RTL4: variants seen among roughly 807,000 people sequenced by gnomAD.
RTL4 encodes the protein retrotransposon Gag like 4.
In RTL4, 4 loss-of-function variants were observed where a neutral mutation model predicts 5.3. That is an observed-to-expected ratio of 0.75 (90% CI 0.37 to 1.72). RTL4 has a LOEUF of 1.72. Ranked by LOEUF, RTL4 falls within the 40% of genes most tolerant of loss-of-function variation. The pLI, the probability that RTL4 is intolerant of heterozygous loss-of-function variation, is 0.04. For missense variants in RTL4, 260 were observed against 227.1 expected, an observed-to-expected ratio of 1.14 and a Z score of -0.93; for synonymous variants, 98 against 87.3, an observed-to-expected ratio of 1.12 and a Z score of -0.68.
At chrX:112,251,932 G>A in the RTL4 span, among the ~76,000 whole-genome samples, 1 of 111,816 alleles carries the variant, frequency 8.9e-6, no homozygotes, top group East Asian at 2.8e-4. Context: ...ATAACAATGT[G>A]TCTTTGAACC....
At chrX:112,156,594 T>C in the RTL4 span, among the ~76,000 whole-genome samples, 1 of 111,971 alleles carries the variant, frequency 8.9e-6, no homozygotes, top group African/African-American at 3.3e-5. Context: ...AGACACTAAA[T>C]GTGTTTGATA....
chrX:112,250,509 G>A, the RTL4 span, among the ~76,000 whole-genome samples: 26 of 111,512 alleles, frequency 2.3e-4, no homozygotes, highest in Non-Finnish European at 3.0e-4. Flanking sequence ...TATCACTTGT[G>A]TCACTGCTCT....
chrX:112,116,640 A>T, the RTL4 span, among the ~76,000 whole-genome samples: 3 of 111,414 alleles, frequency 2.7e-5, no homozygotes, highest in African/African-American at 9.8e-5. Flanking sequence ...ACCTCTAGCT[A>T]GCTACAGAGC....
chrX:112,369,651 A>G, the RTL4 span, among the ~76,000 whole-genome samples: 3 of 112,217 alleles, frequency 2.7e-5, no homozygotes, highest in Non-Finnish European at 5.6e-5. Flanking sequence ...ATTAGCAGAT[A>G]TTTACAGTGC....
chrX:112,450,595 T>C (rs148363590), upstream of RTL4, among the ~76,000 whole-genome samples: 556 of 111,453 alleles, frequency 5.0e-3, 2 homozygotes, highest in African/African-American at 0.017. Flanking sequence ...TTTGGAGGGA[T>C]TAAGCAATTG....
At chrX:112,110,065 A>G in the RTL4 span, among the ~76,000 whole-genome samples, 7 of 112,056 alleles carry the variant, frequency 6.2e-5, no homozygotes, top group Admixed American at 4.7e-4. Context: ...ATGTCACGGG[A>G]CCTAGAAAGG....
At chrX:112,284,096 T>A in the RTL4 span, among the ~76,000 whole-genome samples, 1 of 109,104 alleles carries the variant, frequency 9.2e-6, no homozygotes, top group Admixed American at 1.0e-4. Flanking sequence ...GAAAAGTAAC[T>A]GAGGCCTAGT....
chrX:112,102,129 G>T, the RTL4 span, among the ~76,000 whole-genome samples: 1 of 111,373 alleles, frequency 9.0e-6, no homozygotes, highest in African/African-American at 3.3e-5. Context: ...ACACAATATA[G>T]TATAGGGACT....
At chrX:112,153,214 A>C in the RTL4 span, among the ~76,000 whole-genome samples, 3 of 112,077 alleles carry the variant, frequency 2.7e-5, no homozygotes, top group African/African-American at 9.7e-5. Flanking sequence ...GTACTGGATG[A>C]TGAGAAATTA....
the RTL4 span, among the ~76,000 whole-genome samples, chrX:112,311,807 T>TTTTATCCCC: frequency 2.7e-5 from 3 of 111,114 alleles, no homozygotes; most frequent in Non-Finnish European, 5.7e-5. Context: ...CTTTTAATCC[T>TTTTATCCCC]TTTATCCCCT....
the RTL4 span, among the ~76,000 whole-genome samples, chrX:112,161,844 C>CCTTCCTTCCTTCCTTCCTTCCTTT: frequency 2.5e-5 from 1 of 40,077 alleles, no homozygotes; most frequent in African/African-American, 1.2e-4. Context: ...TTCCTTCCTT[C>CCTTCCTTCCTTCCTTCCTTCCTTT]CTTTCTTTCT....
the RTL4 span, among the ~76,000 whole-genome samples, chrX:112,379,408 C>A: frequency 8.9e-6 from 1 of 112,258 alleles, no homozygotes; most frequent in African/African-American, 3.2e-5. Flanking sequence ...AGTAGTTTGT[C>A]AAGAGAAGAT....
chrX:112,401,629 C>T, the RTL4 span, among the ~76,000 whole-genome samples: 2 of 107,913 alleles, frequency 1.9e-5, no homozygotes, highest in Admixed American at 9.9e-5. Context: ...TTTTTTTTTA[C>T]ATTAACACCC....
the RTL4 span, among the ~76,000 whole-genome samples, chrX:112,222,154 T>C: frequency 8.9e-6 from 1 of 111,892 alleles, no homozygotes; most frequent in Non-Finnish European, 1.9e-5. Context: ...CCACAAGATC[T>C]AGTCATGACC....
the RTL4 span, among the ~76,000 whole-genome samples, chrX:112,214,774 T>G: frequency 6.3e-5 from 7 of 110,774 alleles, no homozygotes; most frequent in African/African-American, 2.3e-4. Context: ...ATGATTAGTG[T>G]TTTTTTTGTT....
At chrX:112,289,072 C>G in the RTL4 span, among the ~76,000 whole-genome samples, 1 of 111,653 alleles carries the variant, frequency 9.0e-6, no homozygotes, top group Non-Finnish European at 1.9e-5. Flanking sequence ...CCCTTCAAGT[C>G]CCAGCCTTCT....
chrX:112,161,386 A>G, the RTL4 span, among the ~76,000 whole-genome samples: 1 of 111,707 alleles, frequency 9.0e-6, no homozygotes, highest in Non-Finnish European at 1.9e-5. Context: ...ATCTCTTTCC[A>G]GTTGTTCAGT....
chrX:112,452,248 G>A (rs1228378680), upstream of RTL4, among the ~76,000 whole-genome samples: 3 of 97,518 alleles, frequency 3.1e-5, no homozygotes, highest in Non-Finnish European at 6.2e-5. Flanking sequence ...GTGCCACCAC[G>A]CGCAGCTAAT....
the RTL4 span, among the ~76,000 whole-genome samples, chrX:112,414,071 G>A: frequency 9.0e-6 from 1 of 111,119 alleles, no homozygotes; most frequent in African/African-American, 3.3e-5. Context: ...TCAGTATTTG[G>A]TACATAGTAG....
Sources: gnomAD v4.1 joint callset for allele counts (sites outside exome capture counted in the v4.1 genomes callset) on GRCh38, gnomAD v4.1.1 for gene constraint, MANE v1.5 for transcripts, NCBI Gene and HGNC (gene_info 2026-07-23, HGNC 2026-07-21) for gene names.